Variants in MCM10 observed in about 807,000 individuals in gnomAD.
MCM10 encodes the protein protein MCM10 homolog.
In MCM10, 91 loss-of-function variants were observed where a neutral mutation model predicts 109.9. The observed-to-expected ratio is 0.83, with a 90% CI of 0.70 to 0.99. The LOEUF is 0.99. MCM10 is among the 50% of genes least tolerant of loss of function. The pLI, the probability that MCM10 is intolerant of heterozygous loss-of-function variation, is 0.00. For missense variants in MCM10, 1,077 were observed against 1,061.2 expected (o/e 1.01, Z -0.21); for synonymous variants, 380 against 387.2 (o/e 0.98, Z 0.22).
At chr10:13,192,158 A>T in intron 11 of MCM10, 97 bp from the exon 12 acceptor site, 1 of 728,554 alleles carries the variant, frequency 1.4e-6, no homozygotes, top group Non-Finnish European at 2.3e-6. Flanking sequence ...TTTACGTATG[A>T]CTAAAATTAC....
intron 7 of MCM10, among the ~76,000 whole-genome samples, chr10:13,181,806 A>G (rs533186932): frequency 2.0e-5 from 3 of 152,166 alleles, no homozygotes; most frequent in Non-Finnish European, 4.4e-5. Flanking sequence ...CTGTAATGAC[A>G]TAATAATAAT....
chr10:13,197,910 G>A (rs1834443611), intron 15 of MCM10, 143 bp downstream of exon 15: 3 of 801,896 alleles, frequency 3.7e-6, no homozygotes, highest in African/African-American at 2.2e-5. Flanking sequence ...TTCTATGGGT[G>A]GAACTGATTT....
intron 7 of MCM10, 38 bp downstream of exon 7, chr10:13,180,645 AAACT>A (rs1564385005): frequency 6.2e-7 from 1 of 1,606,682 alleles, no homozygotes; most frequent in Non-Finnish European, 8.5e-7. Flanking sequence ...GTTTTACTAC[AAACT>A]GACAGTGGGA....
At chr10:13,163,324 G>A (rs75915428) in intron 1 of MCM10, among the ~76,000 whole-genome samples, 13 of 152,228 alleles carry the variant, frequency 8.5e-5, no homozygotes, top group African/African-American at 2.6e-4. Flanking sequence ...GCGACAGAGC[G>A]AGATCCTGTC....
intron 6 of MCM10, among the ~76,000 whole-genome samples, chr10:13,177,742 G>A (rs963715889): frequency 2.6e-5 from 4 of 151,642 alleles, no homozygotes; most frequent in South Asian, 4.2e-4. Context: ...GGTGACATGC[G>A]CCTCTAGTTC....
intron 7 of MCM10, among the ~76,000 whole-genome samples, chr10:13,181,222 A>G (rs1588470548): frequency 6.6e-6 from 1 of 152,058 alleles, no homozygotes; most frequent in African/African-American, 2.4e-5. Context: ...CCATTTCCTT[A>G]TTTATAAAAT....
chr10:13,205,454 C>T (rs1834567529), intron 18 of MCM10, among the ~76,000 whole-genome samples: 1 of 152,050 alleles, frequency 6.6e-6, no homozygotes, highest in Admixed American at 6.6e-5. Context: ...AGGTTGATTC[C>T]ACGTCTTTGC....
At chr10:13,206,346 C>T (rs1834580974) in intron 18 of MCM10, among the ~76,000 whole-genome samples, 1 of 152,226 alleles carries the variant, frequency 6.6e-6, no homozygotes, top group African/African-American at 2.4e-5. Flanking sequence ...CCCCTCAGTG[C>T]TTTCACCACA....
At chr10:13,205,025 T>G (rs1346532278) in intron 18 of MCM10, among the ~76,000 whole-genome samples, 1 of 26,658 alleles carries the variant, frequency 3.8e-5, no homozygotes, top group Non-Finnish European at 1.4e-4. Context: ...TATATATATA[T>G]ATATATATAT....
chr10:13,202,782 G>A (rs536039626), intron 17 of MCM10, among the ~76,000 whole-genome samples: 183 of 152,234 alleles, frequency 1.2e-3, no homozygotes, highest in African/African-American at 4.2e-3. Flanking sequence ...TGTTGCCACC[G>A]TAACAATGAT....
chr10:13,174,134 ATTTTTTT>A lies in MCM10; in HGVS notation c.593-1356_593-1350del, dbSNP rs139116646. ...AGAAGAAAAGGGGAGCTAGTTTTGGATTTTTTTTTTTTTTTTTTTTTTTTTTGAGACA... is the reference window on the plus strand; with the variant it reads ...AGAAGAAAAGGGGAGCTAGTTTTGGATTTTTTTTTTTTTTTTTTTGAGACA... On this transcript the variant is annotated intron_variant, in intron 5 of 19. Transcript: ENST00000378714. Among the ~76,000 whole-genome samples the A allele has an allele frequency of 2.4e-4, 18 of 75,144 alleles. No individual in the cohort carries two copies. The East Asian group carries it at 3.0e-3, about 13-fold the overall frequency. The allele number at this position is 75,144 out of a possible 152,430, so 49.3% of individuals were successfully genotyped here.
Position 13,166,649 on chromosome 10 carries a change from A to ACATAT in MCM10, c.7+2440_7+2441insCATAT, listed in dbSNP as rs1554773845. Among the ~76,000 whole-genome samples the ACATAT allele has an allele frequency of 3.6e-4, 15 of 41,520 alleles. 1 individual carries two copies. Among genetic ancestry groups the ACATAT allele is most frequent in the African/African-American group, 1.2e-3 (15 of 12,906 alleles). 27.2% of individuals were successfully genotyped at this position (41,520 alleles called of 152,430 possible). On this transcript the variant is annotated intron_variant, in intron 2 of 19. Coordinates refer to ENST00000378714, the MANE Select transcript of MCM10 (RefSeq NM_018518.5). Reference sequence around the variant, plus strand: ...AAACTCTGTCTCAAAAAAAAAAAAAAATACATACATACATATATATATATA... The same window carrying ACATAT: ...AAACTCTGTCTCAAAAAAAAAAAAAACATATATACATACATACATATATATATATA...
intron 16 of MCM10, among the ~76,000 whole-genome samples, chr10:13,199,664 T>C (rs1312173448): frequency 6.6e-6 from 1 of 152,096 alleles, no homozygotes; most frequent in Non-Finnish European, 1.5e-5. Flanking sequence ...AATGAAAAGA[T>C]TTGTGATAAA....
chr10:13,169,198 T>C (rs1469488542), intron 2 of MCM10, among the ~76,000 whole-genome samples: 1 of 152,234 alleles, frequency 6.6e-6, no homozygotes, highest in Non-Finnish European at 1.5e-5. Context: ...GCCAATCTTT[T>C]ATGTCCTGTG....
chr10:13,171,395 A>C (rs77223142), intron 3 of MCM10, 132 bp downstream of exon 3: 2 of 885,626 alleles, frequency 2.3e-6, no homozygotes, highest in Non-Finnish European at 3.3e-6. Context: ...AGAAAAAAAG[A>C]AAGAAAATTA....
chr10:13,176,348 T>C (rs914796294), intron 6 of MCM10, among the ~76,000 whole-genome samples: 1 of 152,008 alleles, frequency 6.6e-6, no homozygotes, highest in Non-Finnish European at 1.5e-5. Context: ...TTATTTTAAT[T>C]TTTTTAATTA....
chr10:13,165,208 A>T (rs1380431786), intron 2 of MCM10, among the ~76,000 whole-genome samples: 8 of 152,330 alleles, frequency 5.3e-5, no homozygotes, highest in Middle Eastern at 3.4e-3. Flanking sequence ...GATGAACAAC[A>T]ATAATAAAAT....
chr10:13,181,890 C>T (rs543051483), intron 7 of MCM10, among the ~76,000 whole-genome samples: 1 of 152,288 alleles, frequency 6.6e-6, no homozygotes, highest in South Asian at 2.1e-4. Context: ...TCCAGCTCAG[C>T]GTCCGGGCAG....
intron 18 of MCM10, 99 bp downstream of exon 18, chr10:13,204,463 C>T: frequency 1.4e-6 from 2 of 1,434,042 alleles, no homozygotes; most frequent in Non-Finnish European, 1.9e-6. Context: ...GATGATCATT[C>T]CATGCCTTCC....
Sources: allele counts gnomAD v4.1 joint callset (sites outside exome capture counted in the v4.1 genomes callset), GRCh38; gene constraint gnomAD v4.1.1; transcripts MANE v1.5; gene names NCBI Gene and HGNC (gene_info 2026-07-23, HGNC 2026-07-21).